Variants in TJP1 observed in about 807,000 individuals in gnomAD.
TJP1 encodes the protein tight junction protein 1, also known as tight junction protein ZO-1.
A neutral mutation model predicts 194.2 loss-of-function variants in TJP1; 43 were observed. That is an observed-to-expected ratio of 0.22 (90% CI 0.17 to 0.29). TJP1 has a LOEUF of 0.29. Ranked by LOEUF, TJP1 falls within the 10% of genes least tolerant of loss-of-function variation. The pLI is 1.00. For synonymous variants in TJP1, 801 were observed against 779.0 expected (o/e 1.03, Z -0.47); for missense variants, 1,971 against 2,185.7 (o/e 0.90, Z 1.96).
At chr15:29,729,838 A>G (rs934065114) in intron 15 of TJP1, among the ~76,000 whole-genome samples, 2 of 151,248 alleles carry the variant, frequency 1.3e-5, no homozygotes, top group Non-Finnish European at 3.0e-5. Flanking sequence ...AAAAAAAAAA[A>G]GGTTACTGAG....
intron 2 of TJP1, among the ~76,000 whole-genome samples, chr15:29,872,071 A>G (rs2152118866): frequency 6.6e-6 from 1 of 152,190 alleles, no homozygotes; most frequent in East Asian, 1.9e-4. Context: ...GGAAGAAGAA[A>G]CCTCGTAGGC....
intron 8 of TJP1, among the ~76,000 whole-genome samples, chr15:29,755,839 T>C (rs1351103024): frequency 6.6e-6 from 1 of 152,154 alleles, no homozygotes. Context: ...ACAATCCAAA[T>C]TTCCCACATT....
At position 29,761,125 on chromosome 15, in the gene TJP1, A is replaced by C; in HGVS notation, c.1010+14T>G. On this transcript the variant is annotated intron_variant, in intron 8 of 27. Transcript: ENST00000614355. Reference sequence around the variant, plus strand: ...CAAAACCCCTGTATTTTTTAAAAAAATAGGGTGTCTTACCTGCCATTGCTT... The same window carrying C: ...CAAAACCCCTGTATTTTTTAAAAAACTAGGGTGTCTTACCTGCCATTGCTT... 6.4e-7 allele frequency: 1 copy of C among 1,566,222 alleles called. No homozygotes were observed. Among genetic ancestry groups the C allele is most frequent in the Non-Finnish European group, 8.6e-7 (1 of 1,158,080 alleles).
intron 2 of TJP1, among the ~76,000 whole-genome samples, chr15:29,913,172 T>C (rs1482609146): frequency 6.7e-6 from 1 of 150,142 alleles, no homozygotes; most frequent in Non-Finnish European, 1.5e-5. Context: ...AGATAGTTCA[T>C]GAAAGCAGGG....
intron 2 of TJP1, among the ~76,000 whole-genome samples, chr15:29,844,397 C>T (rs1211725487): frequency 1.3e-5 from 2 of 152,146 alleles, no homozygotes; most frequent in Non-Finnish European, 2.9e-5. Context: ...AGAAACGCTG[C>T]TGCTGTGCAG....
chr15:29,769,826 G>T (rs1298095940), intron 4 of TJP1, among the ~76,000 whole-genome samples: 1 of 152,146 alleles, frequency 6.6e-6, no homozygotes, highest in African/African-American at 2.4e-5. Flanking sequence ...TATAATACTT[G>T]ATAATGACTA....
intron 2 of TJP1, among the ~76,000 whole-genome samples, chr15:29,790,451 C>CA (rs34276579): frequency 0.8 from 120,958 of 152,112 alleles, 48,586 homozygotes; most frequent in East Asian, 0.86. Context: ...GGATCCACAT[C>CA]ATACATTTTG....
intron 15 of TJP1, chr15:29,731,069 T>C (rs1432625054): frequency 7.4e-6 from 6 of 805,642 alleles, no homozygotes; most frequent in Non-Finnish European, 1.0e-5. Context: ...AAATGCAGAA[T>C]TTTGTTTTAC....
intron 1 of TJP1, among the ~76,000 whole-genome samples, chr15:29,814,296 G>C (rs993619231): frequency 8.5e-5 from 13 of 152,118 alleles, no homozygotes; most frequent in Admixed American, 3.3e-4. Flanking sequence ...CAAATCCTTT[G>C]TTTCTTCAAC....
intron 1 of TJP1, among the ~76,000 whole-genome samples, chr15:29,814,867 G>T (rs1477815337): frequency 6.6e-6 from 1 of 152,062 alleles, no homozygotes; most frequent in African/African-American, 2.4e-5. Context: ...CTTATCTCTT[G>T]ATCTATCCCA....
chr15:29,911,556 C>G (rs960468053), intron 2 of TJP1, among the ~76,000 whole-genome samples: 2 of 152,082 alleles, frequency 1.3e-5, no homozygotes, highest in African/African-American at 4.8e-5. Flanking sequence ...GCATGCACAT[C>G]TTCACATGGC....
chr15:29,948,182 A>G (rs1447327856), intron 2 of TJP1, among the ~76,000 whole-genome samples: 2 of 151,616 alleles, frequency 1.3e-5, no homozygotes, highest in African/African-American at 4.9e-5. Context: ...GAATCGCTTG[A>G]ACCCAGCAGG....
At chr15:29,711,687 G>C (rs1006638100) in intron 23 of TJP1, among the ~76,000 whole-genome samples, 3 of 152,238 alleles carry the variant, frequency 2.0e-5, no homozygotes, top group South Asian at 2.1e-4. Flanking sequence ...TTCTGATTTT[G>C]TATCTGGCAT....
At chr15:29,723,293 G>A (rs1028302224) in intron 18 of TJP1, among the ~76,000 whole-genome samples, 1 of 152,170 alleles carries the variant, frequency 6.6e-6, no homozygotes, top group African/African-American at 2.4e-5. Flanking sequence ...AGGTGATCAC[G>A]AGGGCGGTTT....
intron 10 of TJP1, among the ~76,000 whole-genome samples, chr15:29,740,707 A>G (rs1395417640): frequency 6.6e-6 from 1 of 152,204 alleles, no homozygotes. Flanking sequence ...ACAAATTTAC[A>G]TCTCAATTCT....
At chr15:29,950,165 ACAACCACTACCT>A (rs1358616186) in intron 2 of TJP1, among the ~76,000 whole-genome samples, 2 of 94,642 alleles carry the variant, frequency 2.1e-5, no homozygotes, top group African/African-American at 8.1e-5. Flanking sequence ...CACCACCACC[ACAACCACTACCT>A]CCACCTCCAC....
chr15:29,782,405 T>C (rs576674661), intron 2 of TJP1, among the ~76,000 whole-genome samples: 1 of 152,230 alleles, frequency 6.6e-6, no homozygotes, highest in Admixed American at 6.5e-5. Flanking sequence ...CATACGACCA[T>C]CTGATCTTCG....
At chr15:29,716,862 G>A (rs756731287) in intron 22 of TJP1, 24 bp from the exon 23 acceptor site, 6 of 1,550,064 alleles carry the variant, frequency 3.9e-6, no homozygotes, top group Non-Finnish European at 5.3e-6. Flanking sequence ...AATGACAAAC[G>A]GAACACCTTT....
At chr15:29,808,967 A>G (rs1187496469) in intron 1 of TJP1, among the ~76,000 whole-genome samples, 1 of 152,186 alleles carries the variant, frequency 6.6e-6, no homozygotes, top group African/African-American at 2.4e-5. Flanking sequence ...GATCTGTGCT[A>G]TCCAGTACAG....
Sources: gnomAD v4.1 joint callset for allele counts (sites outside exome capture counted in the v4.1 genomes callset) on GRCh38, gnomAD v4.1.1 for gene constraint, MANE v1.5 for transcripts, NCBI Gene and HGNC (gene_info 2026-07-23, HGNC 2026-07-21) for gene names.